Variants in PGR observed in about 807,000 individuals in gnomAD.
The protein encoded by PGR is progesterone receptor.
PGR carries 25 observed loss-of-function variants against 76.1 expected under a neutral mutation model. That is an observed-to-expected ratio of 0.33 (90% CI 0.24 to 0.46). The LOEUF (loss-of-function observed/expected upper bound fraction) is 0.46. PGR is among the 20% of genes least tolerant of loss of function. The pLI is 1.00. For missense variants in PGR, 1,172 were observed against 1,225.3 expected, an observed-to-expected ratio of 0.96 and a Z score of 0.65; for synonymous variants, 579 against 535.0, an observed-to-expected ratio of 1.08 and a Z score of -1.14.
At chr11:101,049,069 A>T (rs993000723) in intron 6 of PGR, among the ~76,000 whole-genome samples, 3 of 151,930 alleles carry the variant, frequency 2.0e-5, no homozygotes, top group Non-Finnish European at 4.4e-5. Flanking sequence ...TCTTTATTCT[A>T]TAAACTTTAT....
Position 101,128,449 on chromosome 11 carries a change from C to T in PGR, c.622G>A (p.Ala208Thr), listed in dbSNP as rs764762671. 6.2e-6 allele frequency: 10 copies of T among 1,609,994 alleles called. No individual in the cohort carries two copies. The highest frequency in any genetic ancestry group is 4.4e-5 in the South Asian group (4 of 91,034). Residue 208 changes from alanine (A) to threonine (T), a missense_variant, in exon 1 of 8, where the codon GCC becomes ACC. Transcript: ENST00000325455. Reference protein sequence around the residue: ...PASESPHWSGAPVKPSPQAAA... With the variant: ...PASESPHWSGTPVKPSPQAAA... ...GCCTGCGGAGACGGCTTCACTGGGG[C>T]CCCGGACCAGTGAGGGCTCTCAGAG... is the stretch of plus-strand genomic sequence containing the variant.
At chr11:101,127,350 C>CT in intron 1 of PGR, 84 bp downstream of exon 1, 4 of 1,072,446 alleles carry the variant, frequency 3.7e-6, no homozygotes, top group Non-Finnish European at 5.1e-6. Flanking sequence ...TGCGCTGGGG[C>CT]TGGGGCTGAG....
At chr11:101,069,172 G>C (rs1860827439) in intron 3 of PGR, among the ~76,000 whole-genome samples, 1 of 146,232 alleles carries the variant, frequency 6.8e-6, no homozygotes, top group Non-Finnish European at 1.5e-5. Context: ...AAATTTACAA[G>C]AAAAAAAAAA....
chr11:101,041,815 T>C, intron 7 of PGR, 130 bp downstream of exon 7: 1 of 787,912 alleles, frequency 1.3e-6, no homozygotes, highest in East Asian at 2.7e-5. Context: ...AGCAGCATGA[T>C]CCAAACACTT....
chr11:101,036,084 G>A lies in PGR; in HGVS notation c.*3032C>T. The A allele has an allele frequency of 4.5e-6, 1 of 220,190 alleles. No individual in the cohort carries two copies. Among genetic ancestry groups the A allele is most frequent in the Non-Finnish European group, 9.1e-6 (1 of 109,968 alleles). The allele number at this position is 220,190 out of a possible 1,614,324, so 13.6% of individuals were successfully genotyped here. A position where few individuals can be genotyped will look rare whatever the true frequency, so the allele number is the denominator to read the frequency against. ...GTAAGTGGCAGAGAAGGGGGGCACA[G>A]TCCTATGTCAGTTATCTCCACAGTG... On this transcript the variant is annotated 3_prime_UTR_variant, in exon 8 of 8. Coordinates refer to ENST00000325455, the MANE Select transcript of PGR (RefSeq NM_000926.4).
chr11:101,043,347 G>A (rs1859758761), intron 6 of PGR, among the ~76,000 whole-genome samples: 1 of 152,126 alleles, frequency 6.6e-6, no homozygotes, highest in Non-Finnish European at 1.5e-5. Context: ...CTTCAATTCA[G>A]TCATGTCTTC....
At chr11:101,095,522 A>G (rs1372473412) in intron 2 of PGR, among the ~76,000 whole-genome samples, 2 of 152,262 alleles carry the variant, frequency 1.3e-5, no homozygotes, top group African/African-American at 4.8e-5. Context: ...CATTTTATAC[A>G]GAGTTAACTG....
At chr11:101,063,977 T>C (rs747325788) in intron 3 of PGR, 3 of 152,160 alleles carry the variant, frequency 2.0e-5, no homozygotes, top group Non-Finnish European at 4.4e-5. Flanking sequence ...CATTTGTCTC[T>C]GAGATTTCTG....
rs191511008 is a variant in PGR, at chr11:101,037,937, C to G, written c.*1179G>C. 2.8e-5 allele frequency: 6 copies of G among 212,596 alleles called. No homozygotes were observed. In the East Asian group the frequency reaches 4.2e-4, roughly 15 times the overall value. The allele number at this position is 212,596 out of a possible 1,614,324, so 13.2% of individuals were successfully genotyped here. ...CATGCTACTGTAACTCAAATGTGCA[C>G]AAAATGGCAGGTAAACTCTAGGAGA... On this transcript the variant is annotated 3_prime_UTR_variant, in exon 8 of 8. Transcript: ENST00000325455.
Position 101,128,789 on chromosome 11 carries a change from C to G in PGR, c.282G>C (p.Arg94Ser), listed in dbSNP as rs758446042. ...GACTAGAACTGCTGCCTCCAGCACCCCTTGTAGCTTCAGCTCTGGAATATG... is the reference window on the plus strand; with the variant it reads ...GACTAGAACTGCTGCCTCCAGCACCGCTTGTAGCTTCAGCTCTGGAATATG... ...EGAYSRAEAT[R>S]GAGGSSSSPP... is the part of the protein sequence containing the mutation. Residue 94 changes from arginine (R) to serine (S), a missense_variant, in exon 1 of 8, where the codon AGG (arginine) becomes AGC (serine). Arg to Ser is a moderately radical substitution (Grantham distance 110). Around this residue, in one of 4 missense-constraint regions of PGR, gnomAD observed 893 missense variants for 785.9 expected, o/e 1.14. Coordinates refer to ENST00000325455, the MANE Select transcript of PGR (RefSeq NM_000926.4). The G allele has an allele frequency of 6.2e-6, 10 of 1,614,136 alleles. No homozygotes were observed. Among genetic ancestry groups the G allele is most frequent in the Non-Finnish European group, 8.5e-6 (10 of 1,180,044 alleles).
chr11:101,129,573 A>C lies in PGR; in HGVS notation c.-503T>G. ...TGAGTTCCACTGCCCCCTCACTAAA[A>C]CCCTGGGGCTAGTCGGACCTCTCGG... On this transcript the variant is annotated 5_prime_UTR_variant, in exon 1 of 8. Transcript: ENST00000325455. 1 of 184,252 alleles carries C rather than the reference A, an allele frequency of 5.4e-6. No individual in the cohort carries two copies. Among genetic ancestry groups the C allele is most frequent in the South Asian group, 2.0e-4 (1 of 4,976 alleles). 11.4% of individuals were successfully genotyped at this position (184,252 alleles called of 1,614,324 possible). A position where few individuals can be genotyped will look rare whatever the true frequency, so the allele number is the denominator to read the frequency against.
intron 2 of PGR, among the ~76,000 whole-genome samples, chr11:101,098,868 A>G (rs1439613429): frequency 6.6e-6 from 1 of 152,268 alleles, no homozygotes; most frequent in Non-Finnish European, 1.5e-5. Context: ...AATGCCAGGC[A>G]GCCAGGAATC....
At chr11:101,040,594 A>G (rs1464226277) in intron 7 of PGR, among the ~76,000 whole-genome samples, 1 of 152,048 alleles carries the variant, frequency 6.6e-6, no homozygotes, top group Non-Finnish European at 1.5e-5. Context: ...TCTGGCTTCC[A>G]GTGTTGCTGC....
chr11:101,070,382 C>T (rs1244837896), intron 3 of PGR, among the ~76,000 whole-genome samples: 1 of 152,148 alleles, frequency 6.6e-6, no homozygotes, highest in Non-Finnish European at 1.5e-5. Flanking sequence ...GGGTTTCAAG[C>T]ACAAAACTGG....
At chr11:101,070,048 G>C (rs1286529511) in intron 3 of PGR, among the ~76,000 whole-genome samples, 2 of 151,850 alleles carry the variant, frequency 1.3e-5, no homozygotes, top group African/African-American at 2.4e-5. Flanking sequence ...GGCTGAATAG[G>C]AATAGCTCCG....
intron 3 of PGR, among the ~76,000 whole-genome samples, chr11:101,088,641 C>T (rs523390): frequency 0.12 from 17,931 of 152,174 alleles, 1,361 homozygotes; most frequent in Non-Finnish European, 0.16. Flanking sequence ...CCTCAAAGAA[C>T]TTAAAACAGA....
chr11:101,066,784 C>T (rs1306860543), intron 3 of PGR, among the ~76,000 whole-genome samples: 2 of 152,190 alleles, frequency 1.3e-5, no homozygotes, highest in Non-Finnish European at 2.9e-5. Flanking sequence ...TCTAATACAT[C>T]AGCAAATCCT....
chr11:101,037,267 C>T lies in PGR; in HGVS notation c.*1849G>A, dbSNP rs502465. On this transcript the variant is annotated 3_prime_UTR_variant, in exon 8 of 8. Coordinates refer to ENST00000325455, the MANE Select transcript of PGR (RefSeq NM_000926.4). The stretch of plus-strand genomic sequence containing the variant: ...AAATGTTTTGCACCTACCTAGTATA[C>T]GTTGAGTGTACAAATATTAAAATGC... 162,781 of 212,570 alleles carry T rather than the reference C, an allele frequency of 0.77. 62,852 individuals are homozygous for T. The highest frequency in any genetic ancestry group is 1 in the East Asian group (14,135 of 14,156). The allele number at this position is 212,570 out of a possible 1,614,324, so 13.2% of individuals were successfully genotyped here.
chr11:101,091,488 C>T (rs1356144457), intron 3 of PGR, among the ~76,000 whole-genome samples: 1 of 152,174 alleles, frequency 6.6e-6, no homozygotes, highest in Non-Finnish European at 1.5e-5. Context: ...TACTTAATGA[C>T]AGGTCAGTAC....
Sources: allele counts gnomAD v4.1 joint callset (sites outside exome capture counted in the v4.1 genomes callset), GRCh38; gene constraint gnomAD v4.1.1; regional missense constraint gnomAD v4.1.1; transcripts MANE v1.5; gene names NCBI Gene and HGNC (gene_info 2026-07-23, HGNC 2026-07-21).